Variants in CDH23 observed in about 807,000 individuals in gnomAD.
The protein encoded by CDH23 is cadherin-23.
Under a neutral mutation model 317.1 loss-of-function variants are expected in CDH23, and 189 were observed. The observed-to-expected ratio is 0.60, with a 90% confidence interval of 0.53 to 0.67. CDH23 has a LOEUF of 0.67. Ranked by LOEUF, CDH23 falls within the 30% of genes least tolerant of loss-of-function variation. The pLI is 0.00. For missense variants in CDH23, 4,401 were observed against 4,592.4 expected, an observed-to-expected ratio of 0.96 and a Z score of 1.20; for synonymous variants, 1,839 against 1,876.8, an observed-to-expected ratio of 0.98 and a Z score of 0.52.
intron 8 of CDH23, among the ~76,000 whole-genome samples, 180 bp downstream of exon 8, chr10:71,571,098 C>T (rs1179193638): frequency 1.3e-5 from 2 of 152,212 alleles, no homozygotes; most frequent in Admixed American, 6.5e-5. Context: ...TCACACCACG[C>T]CCATCTCCTC....
intron 6 of CDH23, among the ~76,000 whole-genome samples, chr10:71,532,727 GTTTTTTT>G (rs200038577): frequency 1.1e-5 from 1 of 93,932 alleles, no homozygotes; most frequent in Admixed American, 1.3e-4. Context: ...TTTTTTTTTT[GTTTTTTT>G]TTTTTTTTTT....
At chr10:71,558,362 T>C (rs1293225376) in intron 6 of CDH23, among the ~76,000 whole-genome samples, 1 of 152,186 alleles carries the variant, frequency 6.6e-6, no homozygotes, top group African/African-American at 2.4e-5. Context: ...ACTGCTCCTC[T>C]AATTTTCTTA....
intron 32 of CDH23, among the ~76,000 whole-genome samples, chr10:71,733,466 G>T (rs1839457002): frequency 6.6e-6 from 1 of 152,146 alleles, no homozygotes; most frequent in Non-Finnish European, 1.5e-5. Context: ...ATCCTGGCTT[G>T]GTCTTTCTGG....
chr10:71,708,155 G>A (rs1416632035), intron 26 of CDH23, among the ~76,000 whole-genome samples: 5 of 152,140 alleles, frequency 3.3e-5, no homozygotes, highest in Non-Finnish European at 7.4e-5. Context: ...CTTGCAGATG[G>A]TACTTCAGAC....
At chr10:71,614,487 A>T (rs1173642826) in intron 9 of CDH23, among the ~76,000 whole-genome samples, 1 of 152,232 alleles carries the variant, frequency 6.6e-6, no homozygotes, top group Non-Finnish European at 1.5e-5. Context: ...GGTGAGGAAC[A>T]TGCCTGCCAC....
At position 71,809,152 on chromosome 10, in the gene CDH23, G is replaced by A. The variant is rs1347391912; in HGVS notation, c.8723-668G>A. ...TGACCATCTCTCTTCTATGGGTTTT[G>A]TTGTTTTCTTTTTCCTTTTTTTTTT... On this transcript the variant is annotated intron_variant, in intron 60 of 69. Coordinates refer to ENST00000224721, the MANE Select transcript of CDH23 (RefSeq NM_022124.6). Among the ~76,000 whole-genome samples, 3 of 94,762 alleles carry A rather than the reference G, an allele frequency of 3.2e-5. No homozygotes were observed. The South Asian group carries it at 1.1e-3, about 34-fold the overall frequency. The allele number at this position is 94,762 out of a possible 152,430, so 62.2% of individuals were successfully genotyped here.
At chr10:71,443,015 G>A (rs1464552815) in intron 2 of CDH23, among the ~76,000 whole-genome samples, 3 of 152,202 alleles carry the variant, frequency 2.0e-5, no homozygotes, top group African/African-American at 7.2e-5. Context: ...GGCAGAGCAT[G>A]CAAAGTCCCT....
intron 50 of CDH23, 31 bp downstream of exon 50, chr10:71,798,609 G>A (rs1332572765): frequency 6.5e-7 from 1 of 1,532,056 alleles, no homozygotes. Context: ...AGGAGGGCTG[G>A]GGGACATATA....
At chr10:71,412,708 G>A (rs148439916) in intron 1 of CDH23, among the ~76,000 whole-genome samples, 43 of 152,266 alleles carry the variant, frequency 2.8e-4, no homozygotes, top group African/African-American at 1.0e-3. Flanking sequence ...CATCCTAATG[G>A]GTGTGAAGTG....
At chr10:71,542,226 T>A (rs886586396) in intron 6 of CDH23, among the ~76,000 whole-genome samples, 1 of 152,178 alleles carries the variant, frequency 6.6e-6, no homozygotes, top group African/African-American at 2.4e-5. Context: ...AACAGCCAGG[T>A]ATCTGGGCAT....
intron 11 of CDH23, among the ~76,000 whole-genome samples, chr10:71,618,202 CG>C (rs1564690840): frequency 6.6e-6 from 1 of 152,034 alleles, no homozygotes; most frequent in Admixed American, 6.6e-5. Context: ...GAGGGGATCC[CG>C]GGCCATAAGA....
intron 33 of CDH23, 46 bp from the exon 34 acceptor site, chr10:71,734,610 T>C: frequency 6.4e-7 from 1 of 1,572,486 alleles, no homozygotes; most frequent in South Asian, 1.1e-5. Context: ...CATTTGCATC[T>C]TTGCCTTTTC....
intron 42 of CDH23, 36 bp from the exon 43 acceptor site, chr10:71,784,855 T>G: frequency 1.3e-6 from 2 of 1,577,176 alleles, no homozygotes. Context: ...TCTGTCGCTC[T>G]TCCTCCCCTC....
rs1223158910 is a variant in CDH23 at position 71,688,574 on chromosome 10, TGTGGAGTCAGGGGTG to T, written c.2059+877_2059+891del. Among the ~76,000 whole-genome samples the T allele has an allele frequency of 8.9e-3, 311 of 34,850 alleles. 1 individual carries two copies. The highest frequency in any genetic ancestry group is 0.014 in the Non-Finnish European group (254 of 17,758). The allele number at this position is 34,850 out of a possible 152,430, so 22.9% of individuals were successfully genotyped here. A position where few individuals can be genotyped will look rare whatever the true frequency, so the allele number is the denominator to read the frequency against. On this transcript the variant is annotated intron_variant, in intron 19 of 69. Coordinates refer to ENST00000224721, the MANE Select transcript of CDH23 (RefSeq NM_022124.6). The stretch of plus-strand genomic sequence containing the variant: ...AGTCAGGGATGGTGGAGCCAGGGGT[TGTGGAGTCAGGGGTG>T]GTGGAGTCAGGGGTGGTGGAGCCAG...
rs2132844056 is a variant in CDH23, at chr10:71,739,666, G to T, written c.4382G>T (p.Gly1461Val). 6.2e-7 allele frequency: 1 copy of T among 1,613,026 alleles called. No individual in the cohort carries two copies. Among genetic ancestry groups the T allele is most frequent in the Non-Finnish European group, 8.5e-7 (1 of 1,179,506 alleles). ...NGQVVFSLAS[G>V]NIAGAFEIVT... ...CAGGTGGTCTTCTCCCTGGCCTCTG[G>T]CAACATCGCGGGGGCCTTTGAGATC... is the stretch of plus-strand genomic sequence containing the variant. Residue 1461 changes from glycine (G) to valine (V), a missense_variant, in exon 36 of 70, where the codon GGC becomes GTC. Around this residue, in one of 3 missense-constraint regions of CDH23, gnomAD observed 3,068 missense variants for 3,203.3 expected, o/e 0.96. Coordinates refer to ENST00000224721, the MANE Select transcript of CDH23 (RefSeq NM_022124.6).
chr10:71,588,506 TTTA>T (rs1337307218), intron 9 of CDH23, among the ~76,000 whole-genome samples: 2 of 152,002 alleles, frequency 1.3e-5, no homozygotes, highest in African/African-American at 2.4e-5. Context: ...ATTATTATTA[TTTA>T]TTATTATTAT....
intron 55 of CDH23, among the ~76,000 whole-genome samples, chr10:71,804,432 G>A (rs962041746): frequency 1.6e-4 from 24 of 152,148 alleles, no homozygotes; most frequent in Admixed American, 8.5e-4. Flanking sequence ...AAAGTGCTCC[G>A]TAGTGGCACC....
chr10:71,495,875 A>C (rs1028843212), intron 3 of CDH23, among the ~76,000 whole-genome samples: 7 of 152,142 alleles, frequency 4.6e-5, no homozygotes, highest in Non-Finnish European at 7.3e-5. Context: ...TTAAATTTCT[A>C]GGACCTGGAC....
At chr10:71,716,056 G>T (rs1866210767) in intron 28 of CDH23, 1 of 1,512,754 alleles carries the variant, frequency 6.6e-7, no homozygotes, top group East Asian at 2.5e-5. Flanking sequence ...GGCGCAAGGA[G>T]CCCAGGCGCT....
Sources: allele counts gnomAD v4.1 joint callset (sites outside exome capture counted in the v4.1 genomes callset), GRCh38; gene constraint gnomAD v4.1.1; regional missense constraint gnomAD v4.1.1; transcripts MANE v1.5; gene names NCBI Gene and HGNC (gene_info 2026-07-23, HGNC 2026-07-21).